The following KIF20B variants were observed in gnomAD, a reference collection of about 807,000 sequenced individuals.
KIF20B encodes kinesin family member 20B, also known as kinesin-like protein KIF20B.
KIF20B carries 188 observed loss-of-function variants against 232.5 expected under a neutral mutation model. The observed-to-expected ratio is 0.81, with a 90% confidence interval of 0.72 to 0.91. KIF20B has a LOEUF of 0.91. KIF20B is among the 40% of genes least tolerant of loss of function. The pLI, the probability that KIF20B is intolerant of heterozygous loss-of-function variation, is 0.00. For missense variants in KIF20B, 2,154 were observed against 2,055.9 expected (o/e 1.05, Z -0.92); for synonymous variants, 712 against 683.0 (o/e 1.04, Z -0.66).
Position 89,764,643 on chromosome 10 carries a change from C to T in KIF20B, c.4989+1808C>T, listed in dbSNP as rs1842316738. On this transcript the variant is annotated intron_variant, in intron 29 of 32. Coordinates refer to ENST00000371728, the MANE Select transcript of KIF20B (RefSeq NM_001284259.2). ...GTTTTGATTTGCATTTCTCTGATGG[C>T]CAGTGATGATGAGCATTTTTTCATG... Among the ~76,000 whole-genome samples, 3 of 152,066 alleles carry T rather than the reference C, an allele frequency of 2.0e-5. No individual in the cohort carries two copies. In the South Asian group the frequency reaches 6.2e-4, roughly 32 times the overall value.
At chr10:89,724,551 A>T (rs1286801676) in intron 14 of KIF20B, among the ~76,000 whole-genome samples, 1 of 152,110 alleles carries the variant, frequency 6.6e-6, no homozygotes, top group African/African-American at 2.4e-5. Context: ...AAAAGAATAT[A>T]GCTGTAACTA....
intron 17 of KIF20B, among the ~76,000 whole-genome samples, chr10:89,728,484 G>T (rs140346435): frequency 5.3e-5 from 8 of 152,118 alleles, no homozygotes; most frequent in African/African-American, 1.7e-4. Flanking sequence ...GATGTAACTT[G>T]CCCAGGGTGA....
Position 89,737,759 on chromosome 10 carries a change from G to T in KIF20B, c.2918G>T (p.Arg973Ile). 2 of 1,611,802 alleles carry T rather than the reference G, an allele frequency of 1.2e-6. No homozygotes were observed. The highest frequency in any genetic ancestry group is 2.2e-5 in the South Asian group (2 of 90,846). ...TCAAATGAGATAGAAACTGCTACAAGAAGCATTACAAATAATGTTTCACAA... is the reference window on the plus strand; with the variant it reads ...TCAAATGAGATAGAAACTGCTACAATAAGCATTACAAATAATGTTTCACAA... ...KLSNEIETAT[R>I]SITNNVSQIK... The change falls in exon 20 of 33, where the codon AGA (arginine) becomes ATA (isoleucine). Residue 973 changes from arginine to isoleucine, a missense_variant. Coordinates refer to ENST00000371728, the MANE Select transcript of KIF20B (RefSeq NM_001284259.2).
chr10:89,758,906 C>G, intron 27 of KIF20B, 24 bp downstream of exon 27: 7 of 1,396,590 alleles, frequency 5.0e-6, no homozygotes, highest in East Asian at 2.6e-5. Context: ...TTTGCTATGC[C>G]TTTTTAATTG....
rs984762974 is a variant in KIF20B at position 89,762,744 on chromosome 10, A to T, written c.4898A>T (p.Asn1633Ile). 3 of 1,613,552 alleles carry T rather than the reference A, an allele frequency of 1.9e-6. No individual in the cohort carries two copies. The highest frequency in any genetic ancestry group is 1.7e-5 in the Admixed American group (1 of 59,906). The change falls in exon 29 of 33, where the codon AAC becomes ATC. Residue 1633 changes from asparagine (N) to isoleucine (I), a missense_variant. Transcript: ENST00000371728. ...ATTCAATTTACACCTTTACAGCCAA[A>T]CAAAATGGCAGTGAAACACCCTGGT... The part of the protein sequence containing the change: ...LEIQFTPLQP[N>I]KMAVKHPGCT...
intron 29 of KIF20B, 54 bp downstream of exon 29, chr10:89,762,889 TTATAG>T (rs1842276040): frequency 1.5e-6 from 2 of 1,337,458 alleles, no homozygotes; most frequent in Non-Finnish European, 2.1e-6. Flanking sequence ...TATAAAGCTG[TTATAG>T]TATAGAGTTA....
At chr10:89,740,575 C>T (rs185634786) in intron 21 of KIF20B, among the ~76,000 whole-genome samples, 7 of 152,146 alleles carry the variant, frequency 4.6e-5, no homozygotes, top group Non-Finnish European at 8.8e-5. Context: ...TAGCCCTACC[C>T]TTAAGCTATT....
intron 23 of KIF20B, among the ~76,000 whole-genome samples, chr10:89,746,229 A>G (rs1001202506): frequency 6.6e-6 from 1 of 152,218 alleles, no homozygotes; most frequent in Non-Finnish European, 1.5e-5. Flanking sequence ...AATCAGCTCA[A>G]TTAGACCCTC....
intron 19 of KIF20B, among the ~76,000 whole-genome samples, chr10:89,735,880 C>T (rs1841640464): frequency 6.6e-6 from 1 of 152,104 alleles, no homozygotes; most frequent in Non-Finnish European, 1.5e-5. Flanking sequence ...TCAAGCCAAA[C>T]CTACATTATA....
In KIF20B at chr10:89,751,381, C is replaced by T. The variant is rs1306111010; in HGVS notation, c.4132C>T (p.Arg1378Ter). ...TAAAGAGAAAATAATTGAAGACATG[C>T]GAATGACACTAGAAGAACAGGAACA... ...NVKEKIIEDM[R>*]MTLEEQEQTQ... Residue 1378 changes from arginine (R) to a stop codon, truncating the protein, a stop_gained, in exon 24 of 33, where the codon CGA becomes TGA. Coordinates refer to ENST00000371728, the MANE Select transcript of KIF20B (RefSeq NM_001284259.2). LOFTEE classifies it high-confidence loss of function. 1.2e-6 allele frequency: 2 copies of T among 1,605,220 alleles called. No individual in the cohort carries two copies. The highest frequency in any genetic ancestry group is 1.7e-5 in the Admixed American group (1 of 59,144).
intron 27 of KIF20B, among the ~76,000 whole-genome samples, chr10:89,759,501 A>T (rs531533486): frequency 6.6e-6 from 1 of 152,234 alleles, no homozygotes; most frequent in South Asian, 2.1e-4. Flanking sequence ...GACAATAGGA[A>T]AAATATGTAT....
At position 89,738,608 on chromosome 10, in the gene KIF20B, A is replaced by G; in HGVS notation, c.3767A>G (p.Glu1256Gly). Residue 1256 changes from glutamate to glycine, a missense_variant, in exon 20 of 33, where the codon GAA (glutamate) becomes GGA (glycine). Coordinates refer to ENST00000371728, the MANE Select transcript of KIF20B (RefSeq NM_001284259.2). Reference protein sequence around the residue: ...KEEEEETNRQETEKLKEELSA... With the variant: ...KEEEEETNRQGTEKLKEELSA... Reference sequence around the variant, plus strand: ...GAAGAAGAAGAAACCAACAGGCAAGAAACAGAAAAGTAAGCTAAATGTTAT... The same window carrying G: ...GAAGAAGAAGAAACCAACAGGCAAGGAACAGAAAAGTAAGCTAAATGTTAT... 6.4e-7 allele frequency: 1 copy of G among 1,552,074 alleles called. No homozygotes were observed. The highest frequency in any genetic ancestry group is 8.7e-7 in the Non-Finnish European group (1 of 1,155,406).
rs368664005 is a variant in KIF20B at position 89,710,011 on chromosome 10, C to T, written c.436C>T (p.Arg146Cys). Reference protein sequence around the residue: ...PVKDLLKGQSRLIFTYGLTNS... With the variant: ...PVKDLLKGQSCLIFTYGLTNS... ...AAAAGACCTCTTGAAAGGACAGAGTCGTCTGATTTTTACTTACGGGCTAAC... is the reference window on the plus strand; with the variant it reads ...AAAAGACCTCTTGAAAGGACAGAGTTGTCTGATTTTTACTTACGGGCTAAC... Residue 146 changes from arginine (R) to cysteine (C), a missense_variant, in exon 5 of 33, where the codon CGT (arginine) becomes TGT (cysteine). Physicochemically the swap from Arg to Cys is radical, Grantham distance 180. Transcript: ENST00000371728. 1.4e-4 allele frequency: 226 copies of T among 1,611,262 alleles called. 1 individual carries two copies. Among genetic ancestry groups the T allele is most frequent in the Non-Finnish European group, 1.7e-4 (205 of 1,178,690 alleles).
At chr10:89,746,093 G>A (rs536234990) in intron 23 of KIF20B, 134 bp downstream of exon 23, 246 of 657,594 alleles carry the variant, frequency 3.7e-4, no homozygotes, top group Non-Finnish European at 1.4e-4. Flanking sequence ...AGACGGGCAG[G>A]TCTTGAGTGT....
chr10:89,751,203 G>A lies in KIF20B; in HGVS notation c.4097-143G>A, dbSNP rs188368182. Reference sequence around the variant, plus strand: ...CTGTTGTAGACATTGAGGATATTGCGATGAATAAGACAAAGTTTCTGTCTA... The same window carrying A: ...CTGTTGTAGACATTGAGGATATTGCAATGAATAAGACAAAGTTTCTGTCTA... On this transcript the variant is annotated intron_variant, in intron 23 of 32. Coordinates refer to ENST00000371728, the MANE Select transcript of KIF20B (RefSeq NM_001284259.2). 7.2e-5 allele frequency: 43 copies of A among 595,632 alleles called. No homozygotes were observed. The Middle Eastern group carries it at 1.4e-3, about 20-fold the overall frequency. The allele number at this position is 595,632 out of a possible 1,614,324, so 36.9% of individuals were successfully genotyped here.
rs1254794348 is a variant in KIF20B at position 89,752,681 on chromosome 10, A to T, written c.4337A>T (p.Asp1446Val). Reference protein sequence around the residue: ...DVLGKLTNLQDELQESEQKYN... With the variant: ...DVLGKLTNLQVELQESEQKYN... ...CTTGGAAAGCTCACTAATCTTCAAG[A>T]TGAGTTACAGGTATGACTTTATGTA... The change falls in exon 25 of 33, where the codon GAT (aspartate) becomes GTT (valine). Residue 1446 changes from aspartate (D) to valine (V), a missense_variant. Transcript: ENST00000371728. 6.4e-7 allele frequency: 1 copy of T among 1,573,884 alleles called. No homozygotes were observed.
At chr10:89,745,510 G>A (rs1405001106) in intron 22 of KIF20B, among the ~76,000 whole-genome samples, 2 of 152,092 alleles carry the variant, frequency 1.3e-5, no homozygotes, top group Non-Finnish European at 2.9e-5. Context: ...GTGGCAGAGG[G>A]AGACTCCATC....
chr10:89,770,343 G>A (rs1842438903), intron 31 of KIF20B, among the ~76,000 whole-genome samples: 1 of 151,896 alleles, frequency 6.6e-6, no homozygotes, highest in African/African-American at 2.4e-5. Context: ...AAAAAAATAT[G>A]TACATTTAAA....
intron 1 of KIF20B, among the ~76,000 whole-genome samples, chr10:89,704,704 T>C (rs1319283541): frequency 1.3e-5 from 2 of 152,124 alleles, no homozygotes; most frequent in Non-Finnish European, 2.9e-5. Flanking sequence ...TACAGGTGCC[T>C]GGCACCACGC....
Sources: gnomAD v4.1 joint callset for allele counts (sites outside exome capture counted in the v4.1 genomes callset) on GRCh38, gnomAD v4.1.1 for gene constraint, MANE v1.5 for transcripts, NCBI Gene and HGNC (gene_info 2026-07-23, HGNC 2026-07-21) for gene names.